Variants in ADAM22 observed in about 807,000 individuals in gnomAD.
ADAM22 encodes ADAM metallopeptidase domain 22, also known as disintegrin and metalloproteinase domain-containing protein 22.
A neutral mutation model predicts 144.6 loss-of-function variants in ADAM22; 65 were observed. The ratio of observed to expected loss-of-function variants is 0.45; its 90% CI spans 0.37 to 0.55. ADAM22 has a LOEUF of 0.55. ADAM22 is among the 20% of genes least tolerant of loss of function. The probability of loss-of-function intolerance (pLI) is 0.00; values close to 1 mark genes in which losing one functional copy is unlikely to be tolerated. For missense variants in ADAM22, 974 were observed against 1,184.9 expected (o/e 0.82, Z 2.61); for synonymous variants, 391 against 412.6 (o/e 0.95, Z 0.63).
intron 3 of ADAM22, among the ~76,000 whole-genome samples, chr7:88,066,873 C>T (rs1249332009): frequency 6.6e-6 from 1 of 152,024 alleles, no homozygotes; most frequent in African/African-American, 2.4e-5. Context: ...AAGATTAAGA[C>T]TAAGAATTAA....
In ADAM22 at chr7:88,108,211, A is replaced by G. The variant is rs1263542923; in HGVS notation, c.426A>G (p.Arg142=). ...ACTGTTACTACCAGGGCCATATCCG[A>G]GGAAACCCTGACTCATTTGTTGCAT... ...GEHCYYQGHI[R]GNPDSFVALS... is the part of the protein sequence containing the mutation. The change falls in exon 5 of 32, where the codon CGA becomes CGG. Residue 142 remains arginine (R), a synonymous_variant. Coordinates refer to ENST00000413139, the MANE Select transcript of ADAM22 (RefSeq NM_001324418.2). 1.7e-5 allele frequency: 28 copies of G among 1,613,784 alleles called. No individual in the cohort carries two copies. In the Admixed American group the frequency reaches 4.7e-4, roughly 27 times the overall value.
intron 2 of ADAM22, among the ~76,000 whole-genome samples, chr7:87,966,033 G>T (rs1336743837): frequency 6.6e-6 from 1 of 152,162 alleles, no homozygotes; most frequent in African/African-American, 2.4e-5. Flanking sequence ...CAAAAATGTT[G>T]TGTTTTTCTC....
At chr7:88,168,647 TA>T (rs1843483529) in intron 25 of ADAM22, among the ~76,000 whole-genome samples, 2 of 152,132 alleles carry the variant, frequency 1.3e-5, no homozygotes, top group African/African-American at 4.8e-5. Context: ...GAAACCAGAG[TA>T]TTCAATTTCC....
chr7:88,147,113 A>T (rs1336350200), intron 17 of ADAM22, among the ~76,000 whole-genome samples: 2 of 152,254 alleles, frequency 1.3e-5, no homozygotes, highest in East Asian at 1.9e-4. Flanking sequence ...TCAAGGAACA[A>T]GTAGAAAATA....
chr7:88,080,724 A>G (rs1266433470), intron 4 of ADAM22, among the ~76,000 whole-genome samples: 1 of 152,230 alleles, frequency 6.6e-6, no homozygotes, highest in African/African-American at 2.4e-5. Flanking sequence ...AAACACCTCT[A>G]TGCAAATAAA....
chr7:88,128,894 T>C (rs146592063), intron 9 of ADAM22, among the ~76,000 whole-genome samples: 44 of 152,200 alleles, frequency 2.9e-4, no homozygotes, highest in African/African-American at 1.0e-3. Flanking sequence ...AAATACTTTG[T>C]GACTCATAGT....
At chr7:87,968,916 T>C (rs1849777616) in intron 2 of ADAM22, among the ~76,000 whole-genome samples, 1 of 152,220 alleles carries the variant, frequency 6.6e-6, no homozygotes, top group South Asian at 2.1e-4. Flanking sequence ...GAAGCTGGCA[T>C]GTCTTACATG....
intron 2 of ADAM22, among the ~76,000 whole-genome samples, chr7:87,952,736 C>A (rs941575231): frequency 4.6e-5 from 7 of 152,106 alleles, no homozygotes; most frequent in African/African-American, 1.7e-4. Flanking sequence ...CCTCCTTGTA[C>A]CTCTGGTAGA....
At chr7:88,018,795 G>C (rs1797103503) in intron 3 of ADAM22, among the ~76,000 whole-genome samples, 1 of 152,122 alleles carries the variant, frequency 6.6e-6, no homozygotes, top group Non-Finnish European at 1.5e-5. Context: ...AGTGAATAAT[G>C]GCTCCTTAGG....
At chr7:88,068,579 C>T (rs1293432008) in intron 3 of ADAM22, among the ~76,000 whole-genome samples, 1 of 152,148 alleles carries the variant, frequency 6.6e-6, no homozygotes, top group Non-Finnish European at 1.5e-5. Flanking sequence ...AATGTTAGAA[C>T]AAGAAGGCAT....
Position 88,200,654 on chromosome 7 carries a change from A to G in ADAM22, c.*4163A>G, listed in dbSNP as rs1229375221. 1 of 152,048 alleles carries G rather than the reference A, an allele frequency of 6.6e-6. No homozygotes were observed. Among genetic ancestry groups the G allele is most frequent in the Non-Finnish European group, 1.5e-5 (1 of 68,012 alleles). The allele number at this position is 152,048 out of a possible 1,614,324, so 9.4% of individuals were successfully genotyped here. On this transcript the variant is annotated 3_prime_UTR_variant, in exon 32 of 32. Coordinates refer to ENST00000413139, the MANE Select transcript of ADAM22 (RefSeq NM_001324418.2). ...AAAACTGCCACCTAAATACCTTTCC[A>G]CTCCGTTAAATGTATGGAGTCAAGA...
intron 29 of ADAM22, 186 bp downstream of exon 29, chr7:88,182,210 C>T: frequency 1.8e-6 from 1 of 549,650 alleles, no homozygotes; most frequent in Non-Finnish European, 3.2e-6. Flanking sequence ...ATCTCCACAA[C>T]TGTTCCCATA....
At chr7:88,140,262 A>G (rs1302775738) in intron 14 of ADAM22, among the ~76,000 whole-genome samples, 3 of 152,046 alleles carry the variant, frequency 2.0e-5, no homozygotes, top group African/African-American at 7.2e-5. Context: ...CAAACATCCA[A>G]ACTTTATCAT....
At chr7:87,964,343 C>A (rs972719883) in intron 2 of ADAM22, among the ~76,000 whole-genome samples, 3 of 152,168 alleles carry the variant, frequency 2.0e-5, no homozygotes, top group African/African-American at 7.2e-5. Context: ...ATAATGGTAT[C>A]TCTTAGGATT....
At chr7:88,183,538 A>T (rs1261032117) in intron 29 of ADAM22, among the ~76,000 whole-genome samples, 1 of 152,124 alleles carries the variant, frequency 6.6e-6, no homozygotes, top group East Asian at 1.9e-4. Flanking sequence ...TTATTTTTTT[A>T]AATGTTGTGT....
At chr7:88,173,562 C>A (rs1844883110) in intron 26 of ADAM22, among the ~76,000 whole-genome samples, 1 of 151,912 alleles carries the variant, frequency 6.6e-6, no homozygotes, top group East Asian at 1.9e-4. Context: ...AGTGGTAAGG[C>A]CAACAGACCA....
chr7:88,043,534 C>T (rs1367230857), intron 3 of ADAM22, among the ~76,000 whole-genome samples: 9 of 151,042 alleles, frequency 6.0e-5, no homozygotes, highest in Admixed American at 5.3e-4. Context: ...AGATTTATGC[C>T]ATTCCATATT....
chr7:87,944,349 T>C (rs1479949015), intron 2 of ADAM22, among the ~76,000 whole-genome samples: 1 of 152,118 alleles, frequency 6.6e-6, no homozygotes, highest in Non-Finnish European at 1.5e-5. Context: ...TTTCTTTCTT[T>C]GGATTAAACA....
intron 3 of ADAM22, among the ~76,000 whole-genome samples, chr7:88,071,679 GA>G (rs1812858100): frequency 6.6e-6 from 1 of 151,832 alleles, no homozygotes; most frequent in African/African-American, 2.4e-5. Context: ...ACATGCAAAT[GA>G]AAAAAGGTCT....
Sources: allele counts gnomAD v4.1 joint callset (sites outside exome capture counted in the v4.1 genomes callset), GRCh38; gene constraint gnomAD v4.1.1; transcripts MANE v1.5; gene names NCBI Gene and HGNC (gene_info 2026-07-23, HGNC 2026-07-21).